The following PTPRD variants were observed in gnomAD, a reference collection of about 807,000 sequenced individuals.
PTPRD encodes the protein receptor-type tyrosine-protein phosphatase delta.
Under a neutral mutation model 214.5 loss-of-function variants are expected in PTPRD, and 34 were observed. The ratio of observed to expected loss-of-function variants is 0.16; its 90% CI spans 0.12 to 0.21. The LOEUF (loss-of-function observed/expected upper bound fraction) is 0.21. Among genes scored for constraint, PTPRD ranks in the 10% least tolerant of loss-of-function variants. PTPRD has a pLI of 1.00. For missense variants in PTPRD, 2,545 were observed against 2,398.7 expected (o/e 1.06, Z -1.27); for synonymous variants, 1,128 against 845.7 (o/e 1.33, Z -5.79).
chr9:9,148,724 G>A (rs1489660441), intron 10 of PTPRD, among the ~76,000 whole-genome samples: 1 of 152,088 alleles, frequency 6.6e-6, no homozygotes, highest in Non-Finnish European at 1.5e-5. Context: ...CCCTTTAATG[G>A]CTTTTAACAT....
intron 2 of PTPRD, among the ~76,000 whole-genome samples, chr9:10,417,184 A>T (rs949533035): frequency 6.6e-6 from 1 of 152,022 alleles, no homozygotes; most frequent in East Asian, 2.0e-4. Context: ...GGAAGGGATG[A>T]TATTGAAGGA....
At chr9:10,182,272 A>AAG (rs1255588664) in intron 3 of PTPRD, among the ~76,000 whole-genome samples, 2 of 150,558 alleles carry the variant, frequency 1.3e-5, no homozygotes, top group African/African-American at 2.4e-5. Context: ...AAAAAAAAAA[A>AAG]AAAAAAAGAA....
At chr9:9,850,961 G>A (rs1389196749) in intron 5 of PTPRD, among the ~76,000 whole-genome samples, 3 of 152,134 alleles carry the variant, frequency 2.0e-5, no homozygotes, top group Non-Finnish European at 4.4e-5. Flanking sequence ...AAGCTACAAT[G>A]ATTATCTTTG....
In PTPRD at chr9:10,338,127, A is replaced by G. The variant is rs146411751; in HGVS notation, c.-545+2836T>C. Among the ~76,000 whole-genome samples, 1,015 of 151,752 alleles carry G rather than the reference A, an allele frequency of 6.7e-3. 5 individuals are homozygous for G. Among genetic ancestry groups the G allele is most frequent in the Non-Finnish European group, 0.012 (782 of 67,764 alleles). ...CTGAAAATGCATAAAAAGATTATAT[A>G]TGGAATACCACTGGGTCTTGCTAGC... is the stretch of plus-strand genomic sequence containing the variant. On this transcript the variant is annotated intron_variant, in intron 3 of 45. Transcript: ENST00000381196.
chr9:10,397,130 C>T (rs987666947), intron 2 of PTPRD, among the ~76,000 whole-genome samples: 4 of 151,932 alleles, frequency 2.6e-5, no homozygotes, highest in Non-Finnish European at 4.4e-5. Flanking sequence ...CTATCTCTCT[C>T]GAAAAGGCAA....
At chr9:9,136,391 T>C (rs2099850932) in intron 10 of PTPRD, among the ~76,000 whole-genome samples, 1 of 152,138 alleles carries the variant, frequency 6.6e-6, no homozygotes, top group Admixed American at 6.5e-5. Context: ...TTTTAAAAGC[T>C]GTAGATTCTC....
At chr9:8,750,330 G>C (rs2093390439) in intron 11 of PTPRD, among the ~76,000 whole-genome samples, 1 of 151,742 alleles carries the variant, frequency 6.6e-6, no homozygotes. Context: ...GCTAATTTTT[G>C]TATTTTTAGT....
intron 7 of PTPRD, among the ~76,000 whole-genome samples, chr9:9,606,387 G>A (rs2094154472): frequency 6.6e-6 from 1 of 151,970 alleles, no homozygotes; most frequent in Admixed American, 6.6e-5. Flanking sequence ...AACATAGTGT[G>A]TGTTAGAATA....
intron 14 of PTPRD, among the ~76,000 whole-genome samples, chr9:8,531,284 A>G (rs2075616432): frequency 6.6e-6 from 1 of 152,132 alleles, no homozygotes; most frequent in Admixed American, 6.6e-5. Context: ...GGTTTTAATA[A>G]TCTATTCCAC....
At chr9:10,469,183 G>T (rs998870455) in intron 2 of PTPRD, among the ~76,000 whole-genome samples, 1 of 151,966 alleles carries the variant, frequency 6.6e-6, no homozygotes, top group South Asian at 2.1e-4. Flanking sequence ...CAAACATTAT[G>T]GTTGCCCATA....
chr9:9,146,982 A>C (rs1465512094), intron 10 of PTPRD, among the ~76,000 whole-genome samples: 1 of 152,170 alleles, frequency 6.6e-6, no homozygotes, highest in Non-Finnish European at 1.5e-5. Context: ...TTTCTGATTG[A>C]TTCTTAAAAA....
In PTPRD at chr9:9,142,113, A is replaced by G. The variant is rs989504175; in HGVS notation, c.-143+41191T>C. Among the ~76,000 whole-genome samples the G allele has an allele frequency of 9.9e-5, 15 of 152,242 alleles. No individual in the cohort carries two copies. In the East Asian group the frequency reaches 2.9e-3, roughly 29 times the overall value. On this transcript the variant is annotated intron_variant, in intron 10 of 45. Coordinates refer to ENST00000381196, the MANE Select transcript of PTPRD (RefSeq NM_002839.4). The stretch of plus-strand genomic sequence containing the variant: ...CCTTGTGCTTGTAGGGACCATCTGC[A>G]GTTCTGCAAAACAAGTGTGGGTTGT...
chr9:8,589,882 C>T lies in PTPRD; in HGVS notation c.352+43435G>A, dbSNP rs189200803. ...CACAGTGGCTACGTTCAATTTCAAACGTATATTTGCAAATTTGGAAAATGT... is the reference window on the plus strand; with the variant it reads ...CACAGTGGCTACGTTCAATTTCAAATGTATATTTGCAAATTTGGAAAATGT... On this transcript the variant is annotated intron_variant, in intron 14 of 45. Coordinates refer to ENST00000381196, the MANE Select transcript of PTPRD (RefSeq NM_002839.4). 3.3e-5 allele frequency among the ~76,000 whole-genome samples: 5 copies of T among 152,196 alleles called. No homozygotes were observed. The East Asian group carries it at 5.8e-4, about 18-fold the overall frequency.
intron 7 of PTPRD, among the ~76,000 whole-genome samples, chr9:9,642,499 G>A (rs1350061024): frequency 1.3e-5 from 2 of 152,068 alleles, no homozygotes. Flanking sequence ...TATAAGCTCT[G>A]GAAAACTTTG....
At chr9:10,381,805 C>T (rs1216806209) in intron 2 of PTPRD, among the ~76,000 whole-genome samples, 1 of 151,856 alleles carries the variant, frequency 6.6e-6, no homozygotes, top group East Asian at 1.9e-4. Flanking sequence ...TACATAATGG[C>T]TTATTATAAC....
At chr9:9,113,442 T>C (rs1412682639) in intron 10 of PTPRD, among the ~76,000 whole-genome samples, 1 of 152,120 alleles carries the variant, frequency 6.6e-6, no homozygotes, top group Non-Finnish European at 1.5e-5. Context: ...TAAAGACTGA[T>C]GGAGTCATTC....
chr9:8,922,813 A>AT (rs560268362), intron 11 of PTPRD, among the ~76,000 whole-genome samples: 8,696 of 139,612 alleles, frequency 0.062, 490 homozygotes, highest in East Asian at 0.19. Flanking sequence ...CGCCCGGCTA[A>AT]TTTTTTTTTT....
intron 11 of PTPRD, among the ~76,000 whole-genome samples, chr9:8,850,421 T>C (rs1465246507): frequency 1.3e-5 from 2 of 152,156 alleles, no homozygotes; most frequent in East Asian, 1.9e-4. Context: ...CAGAGTTCCA[T>C]GTTGATGAAG....
chr9:9,009,808 G>A (rs1050387785), intron 11 of PTPRD, among the ~76,000 whole-genome samples: 1 of 151,868 alleles, frequency 6.6e-6, no homozygotes, highest in African/African-American at 2.4e-5. Context: ...TATAAGGACA[G>A]ATTGCAAAAA....
Sources: allele counts gnomAD v4.1 joint callset (sites outside exome capture counted in the v4.1 genomes callset), GRCh38; gene constraint gnomAD v4.1.1; transcripts MANE v1.5; gene names NCBI Gene and HGNC (gene_info 2026-07-23, HGNC 2026-07-21).